CAMK1D: variants seen among roughly 807,000 people sequenced by gnomAD.
The protein encoded by CAMK1D is calcium/calmodulin dependent protein kinase ID, also known as calcium/calmodulin-dependent protein kinase type 1D.
In CAMK1D, 9 loss-of-function variants were observed where a neutral mutation model predicts 47.7. The observed-to-expected ratio is 0.19, with a 90% confidence interval of 0.11 to 0.33. The LOEUF (loss-of-function observed/expected upper bound fraction) is 0.33, where lower values mean the gene tolerates loss of function less well. Among genes scored for constraint, CAMK1D ranks in the 10% least tolerant of loss-of-function variants. The pLI, the probability that CAMK1D is intolerant of heterozygous loss-of-function variation, is 1.00. For synonymous variants in CAMK1D, 184 were observed against 184.9 expected (o/e 0.99, Z 0.04); for missense variants, 291 against 488.7 (o/e 0.60, Z 3.81).
At chr10:12,639,441 C>T (rs1462156382) in intron 2 of CAMK1D, among the ~76,000 whole-genome samples, 8 of 152,222 alleles carry the variant, frequency 5.3e-5, no homozygotes, top group Non-Finnish European at 8.8e-5. Context: ...GCCAAGATCA[C>T]GCCATCGCAC....
intron 2 of CAMK1D, among the ~76,000 whole-genome samples, chr10:12,666,448 A>T (rs555288233): frequency 7.0e-4 from 107 of 152,258 alleles, no homozygotes; most frequent in African/African-American, 2.5e-3. Context: ...GCTCTACAAG[A>T]TAATAGGTTT....
chr10:12,711,529 AG>A (rs1833936060), intron 3 of CAMK1D, among the ~76,000 whole-genome samples: 1 of 152,170 alleles, frequency 6.6e-6, no homozygotes, highest in Non-Finnish European at 1.5e-5. Flanking sequence ...TCTTTGTCAG[AG>A]TATGGAGATC....
At chr10:12,799,374 G>A (rs912837621) in intron 6 of CAMK1D, among the ~76,000 whole-genome samples, 3 of 152,112 alleles carry the variant, frequency 2.0e-5, no homozygotes, top group Non-Finnish European at 4.4e-5. Flanking sequence ...CTATGCAGAT[G>A]CGTAACTGCT....
intron 2 of CAMK1D, among the ~76,000 whole-genome samples, chr10:12,646,548 G>C (rs1839815539): frequency 6.6e-6 from 1 of 152,188 alleles, no homozygotes; most frequent in Non-Finnish European, 1.5e-5. Context: ...GTGAGACCTT[G>C]AGAAAATGAC....
At chr10:12,484,815 A>G (rs1834163234) in intron 1 of CAMK1D, among the ~76,000 whole-genome samples, 1 of 141,000 alleles carries the variant, frequency 7.1e-6, no homozygotes, top group Non-Finnish European at 1.5e-5. Context: ...TCCTGTGGGC[A>G]CAGTGACTCT....
At chr10:12,638,489 C>T (rs1462210551) in intron 2 of CAMK1D, among the ~76,000 whole-genome samples, 9 of 151,524 alleles carry the variant, frequency 5.9e-5, no homozygotes. Context: ...AACTCCGTTC[C>T]CGTCACCCCT....
intron 1 of CAMK1D, among the ~76,000 whole-genome samples, chr10:12,456,789 AT>A (rs1384972529): frequency 4.7e-5 from 7 of 150,042 alleles, no homozygotes; most frequent in Admixed American, 2.0e-4. Context: ...AAAAAAAAAA[AT>A]CTCTACCTTT....
intron 1 of CAMK1D, among the ~76,000 whole-genome samples, chr10:12,401,053 TTATA>T (rs541933659): frequency 9.7e-6 from 1 of 102,816 alleles, no homozygotes; most frequent in East Asian, 2.3e-4. Flanking sequence ...ATTATATATA[TTATA>T]TATATATTTT....
chr10:12,571,516 C>G (rs961765965), intron 2 of CAMK1D, among the ~76,000 whole-genome samples: 10 of 151,346 alleles, frequency 6.6e-5, no homozygotes, highest in African/African-American at 2.4e-4. Context: ...CGCTGCAAAC[C>G]CACTGAATCA....
intron 2 of CAMK1D, among the ~76,000 whole-genome samples, chr10:12,615,507 GTTA>G (rs892049634): frequency 1.4e-5 from 2 of 147,688 alleles, no homozygotes; most frequent in African/African-American, 5.3e-5. Flanking sequence ...TACATGTATA[GTTA>G]TGTGTGTGTA....
intron 3 of CAMK1D, among the ~76,000 whole-genome samples, chr10:12,724,520 A>C (rs1039965252): frequency 6.6e-6 from 1 of 152,244 alleles, no homozygotes; most frequent in South Asian, 2.1e-4. Flanking sequence ...ATCTTCTGGT[A>C]TAAAAAATGG....
intron 1 of CAMK1D, among the ~76,000 whole-genome samples, chr10:12,500,019 A>G (rs906641639): frequency 7.9e-5 from 12 of 152,124 alleles, no homozygotes; most frequent in African/African-American, 2.7e-4. Context: ...TAATCCCAGC[A>G]CTTTGGGAGG....
At chr10:12,744,747 A>T (rs1274854344) in intron 3 of CAMK1D, among the ~76,000 whole-genome samples, 1 of 151,862 alleles carries the variant, frequency 6.6e-6, no homozygotes, top group East Asian at 1.9e-4. Flanking sequence ...AATTAAAAAA[A>T]AAAAAAAGCC....
At chr10:12,360,240 C>G (rs1837618707) in intron 1 of CAMK1D, among the ~76,000 whole-genome samples, 2 of 152,118 alleles carry the variant, frequency 1.3e-5, no homozygotes, top group Admixed American at 6.6e-5. Flanking sequence ...AAATGGAATC[C>G]TAAAGGTATC....
At chr10:12,440,778 A>C (rs17151691) in intron 1 of CAMK1D, among the ~76,000 whole-genome samples, 26,643 of 152,210 alleles carry the variant, frequency 0.18, 2,424 homozygotes, top group East Asian at 0.27. Context: ...TGTAGGCTTC[A>C]TAATCAAAAA....
At chr10:12,407,178 A>G (rs1839465867) in intron 1 of CAMK1D, among the ~76,000 whole-genome samples, 1 of 152,016 alleles carries the variant, frequency 6.6e-6, no homozygotes, top group Admixed American at 6.6e-5. Context: ...TCATGGCCAG[A>G]CCTCTCCATG....
At chr10:12,691,001 C>T (rs985741204) in intron 3 of CAMK1D, among the ~76,000 whole-genome samples, 8 of 151,986 alleles carry the variant, frequency 5.3e-5, no homozygotes, top group Non-Finnish European at 1.0e-4. Flanking sequence ...TGACTGGGGG[C>T]GTCGTTTCAC....
chr10:12,694,591 AAATATAT>A (rs1833181540), intron 3 of CAMK1D, among the ~76,000 whole-genome samples: 1 of 92,998 alleles, frequency 1.1e-5, no homozygotes, highest in Non-Finnish European at 2.2e-5. Context: ...TATCATATAT[AAATATAT>A]AATATATAAA....
At chr10:12,600,932 C>A (rs773327783) in intron 2 of CAMK1D, among the ~76,000 whole-genome samples, 27 of 152,190 alleles carry the variant, frequency 1.8e-4, no homozygotes, top group Non-Finnish European at 3.5e-4. Flanking sequence ...CCACTTCCAC[C>A]CACCCATGTT....
Sources: allele counts gnomAD v4.1 joint callset (sites outside exome capture counted in the v4.1 genomes callset), GRCh38; gene constraint gnomAD v4.1.1; transcripts MANE v1.5; gene names NCBI Gene and HGNC (gene_info 2026-07-23, HGNC 2026-07-21).